SLCO2A1: variants seen among roughly 807,000 people sequenced by gnomAD.
SLCO2A1 encodes the protein solute carrier organic anion transporter family member 2A1, also known as matrin F/G 1.
Under a neutral mutation model 71.7 loss-of-function variants are expected in SLCO2A1, and 60 were observed. That is an observed-to-expected ratio of 0.84 (90% confidence interval 0.68 to 1.04). SLCO2A1 has a LOEUF of 1.04. Among genes scored for constraint, SLCO2A1 ranks in the 50% least tolerant of loss-of-function variants. SLCO2A1 has a pLI of 0.00. For synonymous variants in SLCO2A1, 308 were observed against 326.7 expected, an observed-to-expected ratio of 0.94 and a Z score of 0.62; for missense variants, 745 against 813.4, an observed-to-expected ratio of 0.92 and a Z score of 1.02.
At chr3:133,937,904 C>CCTGGGGCACTGCTGATCA (rs1197714060) in intron 12 of SLCO2A1, among the ~76,000 whole-genome samples, 3 of 152,238 alleles carry the variant, frequency 2.0e-5, no homozygotes. Flanking sequence ...CTCGCTCTCC[C>CCTGGGGCACTGCTGATCA]CTGGGGCACT....
intron 1 of SLCO2A1, among the ~76,000 whole-genome samples, chr3:134,017,602 G>T (rs567020699): frequency 2.4e-4 from 37 of 152,314 alleles, no homozygotes; most frequent in African/African-American, 8.7e-4. Context: ...CATTTGCCCT[G>T]GGAGTATCCC....
At chr3:134,021,598 A>T (rs1336523398) in intron 1 of SLCO2A1, among the ~76,000 whole-genome samples, 1 of 152,108 alleles carries the variant, frequency 6.6e-6, no homozygotes, top group Non-Finnish European at 1.5e-5. Flanking sequence ...AGAGAAGAAA[A>T]GAGGCAAAGA....
At chr3:134,024,445 G>A (rs778495727) in intron 1 of SLCO2A1, among the ~76,000 whole-genome samples, 1 of 152,172 alleles carries the variant, frequency 6.6e-6, no homozygotes, top group East Asian at 1.9e-4. Flanking sequence ...CAACAGCAAC[G>A]AGCTTTTCAT....
At chr3:134,019,635 C>T (rs1935528064) in intron 1 of SLCO2A1, among the ~76,000 whole-genome samples, 1 of 152,152 alleles carries the variant, frequency 6.6e-6, no homozygotes, top group Non-Finnish European at 1.5e-5. Context: ...CAATTACCAG[C>T]TCTTGCAGGT....
rs750935553 is a variant in SLCO2A1 at position 133,945,164 on chromosome 3, G to T, written c.1392C>A (p.Ile464=). Residue 464 remains isoleucine (I), a synonymous_variant, in exon 10 of 14, where the codon ATC becomes ATA. Coordinates refer to ENST00000310926, the MANE Select transcript of SLCO2A1 (RefSeq NM_005630.3). The part of the protein sequence containing the change: ...IFHPVCGDNG[I]EYLSPCHAGC... The stretch of plus-strand genomic sequence containing the variant: ...CGGCATGGCAAGGGGAGAGGTACTC[G>T]ATTCCATTGTCTCCACAGACCGGGT... 5 of 1,614,114 alleles carry T rather than the reference G, an allele frequency of 3.1e-6. No individual in the cohort carries two copies. Among genetic ancestry groups the T allele is most frequent in the Non-Finnish European group, 4.2e-6 (5 of 1,179,986 alleles).
At chr3:133,959,008 T>C (rs760743130) in intron 3 of SLCO2A1, among the ~76,000 whole-genome samples, 2 of 152,094 alleles carry the variant, frequency 1.3e-5, no homozygotes, top group Non-Finnish European at 2.9e-5. Context: ...TCACAATACC[T>C]GGAAAGAGAT....
rs117454923 is a variant in SLCO2A1 at position 134,019,135 on chromosome 3, G to A, written c.96+10572C>T. Among the ~76,000 whole-genome samples the A allele has an allele frequency of 2.5e-4, 38 of 152,314 alleles. 2 individuals carry two copies. The East Asian group carries it at 7.3e-3, about 29-fold the overall frequency. On this transcript the variant is annotated intron_variant, in intron 1 of 13. Transcript: ENST00000310926. The stretch of plus-strand genomic sequence containing the variant: ...TGCTAAACCAGTGTTAAACAGCATA[G>A]TGTTGATGGTGAGGGCCAGCTTGAA...
chr3:133,954,363 T>C (rs1933830084), intron 4 of SLCO2A1, among the ~76,000 whole-genome samples: 1 of 152,068 alleles, frequency 6.6e-6, no homozygotes, highest in Non-Finnish European at 1.5e-5. Context: ...GGTTTCTCCA[T>C]GTTGATCAGG....
chr3:133,937,653 G>A (rs188011207), intron 12 of SLCO2A1, among the ~76,000 whole-genome samples: 168 of 152,348 alleles, frequency 1.1e-3, no homozygotes, highest in African/African-American at 3.8e-3. Flanking sequence ...TCTTGCTGGA[G>A]TCTCCATATT....
At chr3:134,027,520 G>C (rs901016926) in intron 1 of SLCO2A1, among the ~76,000 whole-genome samples, 1 of 152,184 alleles carries the variant, frequency 6.6e-6, no homozygotes, top group Non-Finnish European at 1.5e-5. Flanking sequence ...AAAAGGACAG[G>C]AATTGCTCAC....
chr3:133,960,850 G>A (rs912601718), intron 3 of SLCO2A1, among the ~76,000 whole-genome samples: 1 of 152,162 alleles, frequency 6.6e-6, no homozygotes, highest in African/African-American at 2.4e-5. Context: ...GGAGAAAGTG[G>A]CCTCTGAACT....
chr3:133,945,913 T>C (rs897938720), intron 9 of SLCO2A1, among the ~76,000 whole-genome samples: 4 of 152,206 alleles, frequency 2.6e-5, no homozygotes, highest in Non-Finnish European at 5.9e-5. Context: ...GGGCTTTACA[T>C]GCACAATCAT....
At chr3:134,025,857 G>C (rs1935691540) in intron 1 of SLCO2A1, among the ~76,000 whole-genome samples, 1 of 152,206 alleles carries the variant, frequency 6.6e-6, no homozygotes, top group South Asian at 2.1e-4. Flanking sequence ...TTGAAGAGAA[G>C]TTTACAAACG....
At position 133,959,651 on chromosome 3, in the gene SLCO2A1, C is replaced by G. The variant is rs559957247; in HGVS notation, c.398-4458G>C. Among the ~76,000 whole-genome samples the G allele has an allele frequency of 4.6e-5, 7 of 152,160 alleles. No homozygotes were observed. In the East Asian group the frequency reaches 1.2e-3, roughly 25 times the overall value. On this transcript the variant is annotated intron_variant, in intron 3 of 13. Transcript: ENST00000310926. The stretch of plus-strand genomic sequence containing the variant: ...ACCAGCCTGGGTAACATGGCAAAAC[C>G]CTGTCTCTACTAAAAATACAAAAAA...
intron 1 of SLCO2A1, among the ~76,000 whole-genome samples, chr3:134,023,147 AACAAAC>A (rs1935625554): frequency 6.7e-6 from 1 of 149,910 alleles, no homozygotes; most frequent in African/African-American, 2.4e-5. Flanking sequence ...CAAACAAACA[AACAAAC>A]AAAAGAATGG....
intron 12 of SLCO2A1, among the ~76,000 whole-genome samples, chr3:133,936,629 G>A (rs1322177214): frequency 6.6e-6 from 1 of 152,102 alleles, no homozygotes; most frequent in East Asian, 1.9e-4. Context: ...GACTGCGGAG[G>A]GCTTGTCCAG....
chr3:133,988,709 C>T (rs1360857041), intron 1 of SLCO2A1, among the ~76,000 whole-genome samples: 2 of 152,204 alleles, frequency 1.3e-5, no homozygotes, highest in African/African-American at 4.8e-5. Flanking sequence ...AGGGAGGGGA[C>T]AGCCATGTGC....
chr3:134,013,422 C>A (rs1249173252), intron 1 of SLCO2A1, among the ~76,000 whole-genome samples: 1 of 152,230 alleles, frequency 6.6e-6, no homozygotes, highest in Non-Finnish European at 1.5e-5. Flanking sequence ...TTCTCCCCAC[C>A]CTTCCCTTCC....
intron 6 of SLCO2A1, 117 bp from the exon 7 acceptor site, chr3:133,949,088 C>A: frequency 1.2e-6 from 1 of 814,104 alleles, no homozygotes; most frequent in South Asian, 1.5e-5. Flanking sequence ...GAGCCCCCTC[C>A]AGGCGTGTGT....
Sources: gnomAD v4.1 joint callset for allele counts (sites outside exome capture counted in the v4.1 genomes callset) on GRCh38, gnomAD v4.1.1 for gene constraint, MANE v1.5 for transcripts, NCBI Gene and HGNC (gene_info 2026-07-23, HGNC 2026-07-21) for gene names.